Variants in ARMC9 observed in about 807,000 individuals in gnomAD.
The protein encoded by ARMC9 is lisH domain-containing protein ARMC9.
Under a neutral mutation model 107.0 loss-of-function variants are expected in ARMC9, and 94 were observed. The ratio of observed to expected loss-of-function variants is 0.88; its 90% CI spans 0.74 to 1.04. The LOEUF (loss-of-function observed/expected upper bound fraction) is 1.04, where lower values mean the gene tolerates loss of function less well. ARMC9 is among the 50% of genes least tolerant of loss of function. The probability of loss-of-function intolerance (pLI) is 0.00; values close to 1 mark genes in which losing one functional copy is unlikely to be tolerated. For synonymous variants in ARMC9, 380 were observed against 396.9 expected, an observed-to-expected ratio of 0.96 and a Z score of 0.51; for missense variants, 942 against 1,030.1, an observed-to-expected ratio of 0.91 and a Z score of 1.17.
At chr2:231,202,998 T>G (rs2031319259) in intron 1 of ARMC9, among the ~76,000 whole-genome samples, 1 of 152,144 alleles carries the variant, frequency 6.6e-6, no homozygotes. Flanking sequence ...CAGAAACAGT[T>G]CAAGCCTTTG....
chr2:231,324,167 G>A (rs748726079), intron 19 of ARMC9, among the ~76,000 whole-genome samples: 4 of 101,328 alleles, frequency 3.9e-5, no homozygotes, highest in Admixed American at 1.6e-4. Context: ...TTGCTCTGTT[G>A]CCCAGGCTGG....
At chr2:231,284,803 T>C (rs1027300411) in intron 17 of ARMC9, among the ~76,000 whole-genome samples, 10 of 152,136 alleles carry the variant, frequency 6.6e-5, no homozygotes, top group Non-Finnish European at 1.5e-4. Context: ...TGCCACACAC[T>C]CCTAAGTAAC....
At chr2:231,367,137 A>G (rs1197349676) in intron 23 of ARMC9, among the ~76,000 whole-genome samples, 7 of 152,072 alleles carry the variant, frequency 4.6e-5, no homozygotes, top group Non-Finnish European at 8.8e-5. Context: ...GGCGTGAGCC[A>G]CCATGCCCGG....
In ARMC9 at chr2:231,235,880, G is replaced by A. The variant is rs565209089; in HGVS notation, c.780+499G>A. Among the ~76,000 whole-genome samples, 138 of 152,326 alleles carry A rather than the reference G, an allele frequency of 9.1e-4. 1 individual carries two copies. The highest frequency in any genetic ancestry group is 2.9e-3 in the African/African-American group (121 of 41,568). On this transcript the variant is annotated intron_variant, in intron 8 of 24. Transcript: ENST00000611582. ...TGGTCTCGAACTCCTGACCTCAGGTGATCCGCCAGCCTTGGCCTCCCAAAG... is the reference window on the plus strand; with the variant it reads ...TGGTCTCGAACTCCTGACCTCAGGTAATCCGCCAGCCTTGGCCTCCCAAAG...
At chr2:231,210,783 G>T (rs991347094) in intron 3 of ARMC9, among the ~76,000 whole-genome samples, 1 of 152,160 alleles carries the variant, frequency 6.6e-6, no homozygotes, top group Non-Finnish European at 1.5e-5. Flanking sequence ...AACATAAAAT[G>T]TATCATGTTA....
At position 231,278,493 on chromosome 2, in the gene ARMC9, G is replaced by A. The variant is rs572102870; in HGVS notation, c.1551+35G>A. 5.8e-4 allele frequency: 932 copies of A among 1,601,030 alleles called. 12 individuals are homozygous for A. The South Asian group carries it at 9.8e-3, about 17-fold the overall frequency. ...CAGCACTGCTGGCCCTGGGCTCGGGGAGGCTACACTGGGGACCCAATGCCT... is the reference window on the plus strand; with the variant it reads ...CAGCACTGCTGGCCCTGGGCTCGGGAAGGCTACACTGGGGACCCAATGCCT... On this transcript the variant is annotated intron_variant, in intron 16 of 24. Transcript: ENST00000611582.
intron 9 of ARMC9, among the ~76,000 whole-genome samples, chr2:231,249,317 A>T (rs2037069684): frequency 6.6e-6 from 1 of 152,130 alleles, no homozygotes; most frequent in South Asian, 2.1e-4. Context: ...ACAGCAGTAC[A>T]CAGGAGACTC....
At chr2:231,368,717 C>T (rs2045906965) in intron 23 of ARMC9, among the ~76,000 whole-genome samples, 1 of 152,156 alleles carries the variant, frequency 6.6e-6, no homozygotes, top group African/African-American at 2.4e-5. Flanking sequence ...CTTGACCTCC[C>T]AGGCACAAGT....
chr2:231,334,187 G>A, intron 20 of ARMC9, among the ~76,000 whole-genome samples: 1 of 152,362 alleles, frequency 6.6e-6, no homozygotes, highest in East Asian at 1.9e-4. Flanking sequence ...GATGGGAAGA[G>A]CCAGTACAAT....
intron 17 of ARMC9, among the ~76,000 whole-genome samples, chr2:231,286,206 C>T (rs2040579181): frequency 6.6e-6 from 1 of 152,004 alleles, no homozygotes; most frequent in South Asian, 2.1e-4. Context: ...ACCTCCGCCT[C>T]CCGAGTTCAA....
intron 8 of ARMC9, among the ~76,000 whole-genome samples, chr2:231,238,457 C>G (rs369811876): frequency 1.1e-4 from 17 of 152,178 alleles, no homozygotes; most frequent in South Asian, 8.3e-4. Context: ...TCAAGCCATC[C>G]TTTCACCTCA....
intron 19 of ARMC9, among the ~76,000 whole-genome samples, chr2:231,314,576 G>A (rs886359340): frequency 1.8e-4 from 28 of 152,156 alleles, no homozygotes; most frequent in Non-Finnish European, 3.5e-4. Context: ...TGTGCTATGC[G>A]TTATTGGGTG....
At chr2:231,328,036 G>A (rs760567671) in intron 19 of ARMC9, among the ~76,000 whole-genome samples, 14 of 152,020 alleles carry the variant, frequency 9.2e-5, no homozygotes, top group African/African-American at 2.7e-4. Flanking sequence ...CGCTCGCCTC[G>A]GCTTTCCAAA....
intron 12 of ARMC9, among the ~76,000 whole-genome samples, chr2:231,264,311 T>A (rs1433884574): frequency 6.6e-6 from 1 of 151,986 alleles, no homozygotes; most frequent in Non-Finnish European, 1.5e-5. Context: ...CCCAAGTAGC[T>A]GGGATTACAG....
At chr2:231,218,885 G>T (rs2033813380) in intron 5 of ARMC9, among the ~76,000 whole-genome samples, 1 of 151,934 alleles carries the variant, frequency 6.6e-6, no homozygotes. Flanking sequence ...CTGAGTAGCT[G>T]GGATTATAGG....
At chr2:231,221,651 A>C (rs2034135823) in intron 5 of ARMC9, among the ~76,000 whole-genome samples, 1 of 151,160 alleles carries the variant, frequency 6.6e-6, no homozygotes, top group African/African-American at 2.4e-5. Flanking sequence ...CAACATGGTG[A>C]AACCCCGTCT....
Position 231,305,400 on chromosome 2 carries a change from T to C in ARMC9, c.1773+9147T>C, listed in dbSNP as rs1297196171. Among the ~76,000 whole-genome samples the C allele has an allele frequency of 2.0e-5, 3 of 152,390 alleles. No homozygotes were observed. In the South Asian group the frequency reaches 6.2e-4, roughly 32 times the overall value. On this transcript the variant is annotated intron_variant, in intron 19 of 24. Coordinates refer to ENST00000611582, the MANE Select transcript of ARMC9 (RefSeq NM_001352754.2). ...CTTTAAGTATTTCAGCCAGTATTAC[T>C]TGTGCTTCGTTGCCAAGTATTTACA...
chr2:231,245,369 G>A (rs905443067), intron 9 of ARMC9, among the ~76,000 whole-genome samples: 22 of 152,334 alleles, frequency 1.4e-4, no homozygotes, highest in African/African-American at 5.3e-4. Context: ...TGCAGGGAAC[G>A]CAGTGCTAGG....
At chr2:231,348,557 A>T (rs2044903979) in intron 21 of ARMC9, among the ~76,000 whole-genome samples, 1 of 152,230 alleles carries the variant, frequency 6.6e-6, no homozygotes, top group East Asian at 1.9e-4. Flanking sequence ...TGACAAGCAC[A>T]GGCAACCAAA....
Sources: gnomAD v4.1 joint callset for allele counts (sites outside exome capture counted in the v4.1 genomes callset) on GRCh38, gnomAD v4.1.1 for gene constraint, MANE v1.5 for transcripts, NCBI Gene and HGNC (gene_info 2026-07-23, HGNC 2026-07-21) for gene names.